Variants in PTPRM observed in about 807,000 individuals in gnomAD.
The protein encoded by PTPRM is receptor-type tyrosine-protein phosphatase mu.
Under a neutral mutation model 186.7 loss-of-function variants are expected in PTPRM, and 47 were observed. That is an observed-to-expected ratio of 0.25 (90% confidence interval 0.20 to 0.32). The LOEUF (loss-of-function observed/expected upper bound fraction) is 0.32. Ranked by LOEUF, PTPRM falls within the 10% of genes least tolerant of loss-of-function variation. The pLI, the probability that PTPRM is intolerant of heterozygous loss-of-function variation, is 1.00. For missense variants in PTPRM, 1,494 were observed against 1,865.0 expected (o/e 0.80, Z 3.66); for synonymous variants, 668 against 674.9 (o/e 0.99, Z 0.16).
intron 19 of PTPRM, among the ~76,000 whole-genome samples, chr18:8,269,260 T>C (rs1052327697): frequency 8.6e-5 from 13 of 151,798 alleles, no homozygotes; most frequent in African/African-American, 2.9e-4. Context: ...CACAAACTAT[T>C]TGAAAATGAA....
rs373988481 is a variant in PTPRM, at chr18:8,319,646, A to G, written c.2956+432A>G. 2.0e-4 allele frequency among the ~76,000 whole-genome samples: 31 copies of G among 152,338 alleles called. No individual in the cohort carries two copies. The South Asian group carries it at 6.0e-3, about 30-fold the overall frequency. On this transcript the variant is annotated intron_variant, in intron 22 of 32. Transcript: ENST00000580170. ...ATGTGCAGTCACCTGTATGTACTTT[A>G]GTAGGTACAGTGGCAGGTGACATCT...
intron 1 of PTPRM, chr18:7,741,909 A>G (rs1413977161): frequency 6.6e-6 from 1 of 152,194 alleles, no homozygotes; most frequent in African/African-American, 2.4e-5. Context: ...ATTCCTGTTT[A>G]TGGGAATGGC....
chr18:8,389,059 C>T (rs1021923034), intron 31 of PTPRM, among the ~76,000 whole-genome samples: 1 of 152,208 alleles, frequency 6.6e-6, no homozygotes, highest in Non-Finnish European at 1.5e-5. Flanking sequence ...CAGATCCAAC[C>T]TCTGATCAGA....
intron 1 of PTPRM, among the ~76,000 whole-genome samples, chr18:7,722,344 A>T (rs995969722): frequency 2.0e-5 from 3 of 152,126 alleles, no homozygotes; most frequent in African/African-American, 7.2e-5. Flanking sequence ...ATTTCTTTTT[A>T]TTTGAAAAGT....
At position 8,143,763 on chromosome 18, in the gene PTPRM, T is replaced by C; in HGVS notation, c.2284T>C (p.Leu762=). ...LFVIIFLGVV[L]VMKKRKLAKK... The stretch of plus-strand genomic sequence containing the variant: ...CGTGATTATATTTCTTGGAGTTGTG[T>C]TGGTAATGAAGAAAAGGTGAGCTCC... The change falls in exon 14 of 33, where the codon TTG becomes CTG. Residue 762 remains leucine (L), a synonymous_variant. Transcript: ENST00000580170. 2 of 1,614,072 alleles carry C rather than the reference T, an allele frequency of 1.2e-6. No individual in the cohort carries two copies. Among genetic ancestry groups the C allele is most frequent in the Non-Finnish European group, 1.7e-6 (2 of 1,179,954 alleles).
At chr18:7,855,586 A>C (rs2047058238) in intron 2 of PTPRM, among the ~76,000 whole-genome samples, 1 of 152,228 alleles carries the variant, frequency 6.6e-6, no homozygotes, top group Admixed American at 6.5e-5. Context: ...TCATTTGTTA[A>C]ATGGAACTAA....
chr18:7,585,462 T>C (rs764054091), intron 1 of PTPRM, among the ~76,000 whole-genome samples: 6 of 152,152 alleles, frequency 3.9e-5, no homozygotes, highest in Non-Finnish European at 7.4e-5. Context: ...CCCATGCAGA[T>C]CATATTTGGT....
intron 15 of PTPRM, among the ~76,000 whole-genome samples, chr18:8,246,252 C>T (rs908557883): frequency 6.6e-6 from 1 of 152,154 alleles, no homozygotes; most frequent in African/African-American, 2.4e-5. Context: ...TGCATGAGCT[C>T]TTTCAGGGTT....
chr18:7,925,457 A>C (rs1179843402), intron 4 of PTPRM, among the ~76,000 whole-genome samples: 3 of 152,158 alleles, frequency 2.0e-5, no homozygotes, highest in Admixed American at 2.0e-4. Context: ...TAGTAACTCA[A>C]CTTCCATTCC....
intron 1 of PTPRM, among the ~76,000 whole-genome samples, chr18:7,715,527 A>T (rs748762891): frequency 2.0e-5 from 3 of 152,196 alleles, no homozygotes; most frequent in Admixed American, 6.5e-5. Context: ...CAAGAGAAAG[A>T]AATAAAGGGT....
Position 8,079,075 on chromosome 18 carries a change from A to G in PTPRM, c.1551+2511A>G, listed in dbSNP as rs73387736. Among the ~76,000 whole-genome samples, 1,435 of 151,816 alleles carry G rather than the reference A, an allele frequency of 9.5e-3. 27 individuals are homozygous for G. The highest frequency in any genetic ancestry group is 0.033 in the African/African-American group (1,382 of 41,496). ...CTTTGCTTATTATGAAAGATACACA[A>G]AAGCATTAATGATCAAAAACGGCTG... On this transcript the variant is annotated intron_variant, in intron 9 of 32. Transcript: ENST00000580170.
intron 19 of PTPRM, among the ~76,000 whole-genome samples, chr18:8,272,216 A>G (rs1399747750): frequency 1.3e-5 from 2 of 151,534 alleles, no homozygotes; most frequent in Non-Finnish European, 2.9e-5. Flanking sequence ...AATAAAAAAA[A>G]AAAAAAAGAA....
intron 14 of PTPRM, among the ~76,000 whole-genome samples, chr18:8,190,937 TAGC>T (rs1483925108): frequency 6.6e-6 from 1 of 152,218 alleles, no homozygotes; most frequent in African/African-American, 2.4e-5. Flanking sequence ...GGTCATACCT[TAGC>T]AGTTACAGAC....
Position 7,720,657 on chromosome 18 carries a change from G to A in PTPRM, c.74-53492G>A, listed in dbSNP as rs543295025. Among the ~76,000 whole-genome samples the A allele has an allele frequency of 1.7e-4, 26 of 152,110 alleles. 1 individual carries two copies. The highest frequency in any genetic ancestry group is 1.0e-3 in the South Asian group (5 of 4,812). On this transcript the variant is annotated intron_variant, in intron 1 of 32. Coordinates refer to ENST00000580170, the MANE Select transcript of PTPRM (RefSeq NM_001105244.2). ...AGCACCTCCCCATCCCCCAGCCACCGGAAACTATCATTCTACTTTGTGCCT... is the reference window on the plus strand; with the variant it reads ...AGCACCTCCCCATCCCCCAGCCACCAGAAACTATCATTCTACTTTGTGCCT...
chr18:8,019,723 A>G (rs953317728), intron 7 of PTPRM, among the ~76,000 whole-genome samples: 2 of 149,728 alleles, frequency 1.3e-5, no homozygotes, highest in African/African-American at 4.9e-5. Flanking sequence ...CTTGAAGTTC[A>G]TTATAAACAT....
intron 2 of PTPRM, among the ~76,000 whole-genome samples, chr18:7,845,953 G>C (rs1805859143): frequency 6.6e-6 from 1 of 152,114 alleles, no homozygotes; most frequent in African/African-American, 2.4e-5. Flanking sequence ...AAAGGCCTCT[G>C]CTGACCCTAT....
intron 7 of PTPRM, among the ~76,000 whole-genome samples, chr18:7,994,918 G>A (rs2083454174): frequency 6.6e-6 from 1 of 151,702 alleles, no homozygotes; most frequent in Non-Finnish European, 1.5e-5. Flanking sequence ...ACCAAGAAAA[G>A]CAAGAACAAA....
At chr18:7,587,460 T>A (rs1380239706) in intron 1 of PTPRM, among the ~76,000 whole-genome samples, 4 of 152,000 alleles carry the variant, frequency 2.6e-5, no homozygotes, top group African/African-American at 9.7e-5. Context: ...TAGCTGACAG[T>A]TTGATTAAGC....
intron 1 of PTPRM, chr18:7,741,946 G>A (rs181607281): frequency 3.9e-5 from 6 of 152,292 alleles, no homozygotes; most frequent in African/African-American, 1.2e-4. Context: ...AAGAGCTATT[G>A]TTATTCTGAT....
Sources: gnomAD v4.1 joint callset for allele counts (sites outside exome capture counted in the v4.1 genomes callset) on GRCh38, gnomAD v4.1.1 for gene constraint, MANE v1.5 for transcripts, NCBI Gene and HGNC (gene_info 2026-07-23, HGNC 2026-07-21) for gene names.